The following RNASEH2A variants were observed in gnomAD, a reference collection of about 807,000 sequenced individuals.
RNASEH2A encodes RNase H(35).
In RNASEH2A, 30 loss-of-function variants were observed where a neutral mutation model predicts 32.7. The ratio of observed to expected loss-of-function variants is 0.92; its 90% CI spans 0.69 to 1.25. The LOEUF is 1.25. RNASEH2A is among the 50% of genes most tolerant of loss of function. The pLI, the probability that RNASEH2A is intolerant of heterozygous loss-of-function variation, is 0.00. For missense variants in RNASEH2A, 409 were observed against 398.1 expected (o/e 1.03, Z -0.23); for synonymous variants, 147 against 165.4 (o/e 0.89, Z 0.86).
At chr19:12,810,259 GCCA>G in intron 5 of RNASEH2A, 51 bp downstream of exon 5, 1 of 1,614,132 alleles carries the variant, frequency 6.2e-7, no homozygotes. Flanking sequence ...CTATATAGGG[GCCA>G]GGCATGGCCA....
intron 5 of RNASEH2A, 31 bp from the exon 6 acceptor site, chr19:12,810,286 G>C: frequency 6.2e-7 from 1 of 1,614,134 alleles, no homozygotes; most frequent in Non-Finnish European, 8.5e-7. Flanking sequence ...AAGGGAAGGA[G>C]GGAGATTCCA....
intron 4 of RNASEH2A, chr19:12,808,108 C>T (rs542269437): frequency 2.5e-5 from 4 of 161,004 alleles, no homozygotes; most frequent in South Asian, 3.3e-4. Context: ...AAAAATTAGC[C>T]CAGCATGGTG....
chr19:12,806,635 GTA>G lies in RNASEH2A; in HGVS notation c.-37_-36del. On this transcript the variant is annotated 5_prime_UTR_variant, in exon 1 of 8. Transcript: ENST00000221486. ...ACGCGCGCCGAGACCCGCTCCTGCA[GTA>G]TTAGTTCTTGCAGCTGGTGGTGGCG... 1 of 1,564,050 alleles carries G rather than the reference GTA, an allele frequency of 6.4e-7. No individual in the cohort carries two copies.
At position 12,810,423 on chromosome 19, in the gene RNASEH2A, A is replaced by C. The variant is rs375522285; in HGVS notation, c.637+19A>C. 7 of 1,603,464 alleles carry C rather than the reference A, an allele frequency of 4.4e-6. No individual in the cohort carries two copies. The highest frequency in any genetic ancestry group is 6.0e-6 in the Non-Finnish European group (7 of 1,170,454). ...CCCAATGGTGAGCAGACACGTGACC[A>C]TGGTACTAATGTTGAAATGGCCAGG... On this transcript the variant is annotated intron_variant, in intron 6 of 7. Transcript: ENST00000221486.
chr19:12,810,113 C>T lies in RNASEH2A; in HGVS notation c.454C>T (p.Arg152Trp), dbSNP rs942243073. The T allele has an allele frequency of 1.5e-5, 24 of 1,614,060 alleles. No homozygotes were observed. The highest frequency in any genetic ancestry group is 4.5e-5 in the East Asian group (2 of 44,892). The stretch of plus-strand genomic sequence containing the variant: ...AGGGATGCCAGAGACATACCAGGCG[C>T]GGCTGCAGCAAAGTTTTCCCGGGAT... ...TVGMPETYQARLQQSFPGIEV... is the reference protein window; with the variant it reads ...TVGMPETYQAWLQQSFPGIEV... Residue 152 changes from arginine to tryptophan, a missense_variant, in exon 5 of 8, where the codon CGG becomes TGG. Physicochemically the swap from Arg to Trp is moderately radical, Grantham distance 101. Coordinates refer to ENST00000221486, the MANE Select transcript of RNASEH2A (RefSeq NM_006397.3).
At chr19:12,808,003 C>A (rs151089300) in intron 4 of RNASEH2A, 563 of 201,984 alleles carry the variant, frequency 2.8e-3, no homozygotes, top group Non-Finnish European at 4.2e-3. Flanking sequence ...GTAATCCCAG[C>A]GTTTCAGGAG....
At position 12,807,523 on chromosome 19, in the gene RNASEH2A, T is replaced by A. The variant is rs185730742; in HGVS notation, c.411+17T>A. ...GTCACCCAGGTGAGTTAACTGTAAG[T>A]TGTCCCCATTTGGTCATCTCAGGAT... On this transcript the variant is annotated intron_variant, in intron 4 of 7. Transcript: ENST00000221486. 334 of 1,601,164 alleles carry A rather than the reference T, an allele frequency of 2.1e-4. 1 individual carries two copies. Among genetic ancestry groups the A allele is most frequent in the Non-Finnish European group, 6.2e-5 (73 of 1,168,294 alleles).
In RNASEH2A at chr19:12,807,702, C is replaced by T. The variant is rs568991790; in HGVS notation, c.411+196C>T. On this transcript the variant is annotated intron_variant, in intron 4 of 7. Transcript: ENST00000221486. ...ATCGCAGCACTTTGGGAAGCCGCGG[C>T]GGGTAGATCACCGGAGGTCAAGAGT... The T allele has an allele frequency of 2.2e-4, 137 of 617,830 alleles. 2 individuals carry two copies. The highest frequency in any genetic ancestry group is 1.1e-3 in the South Asian group (61 of 56,576). The allele number at this position is 617,830 out of a possible 1,614,324, so 38.3% of individuals were successfully genotyped here. A position where few individuals can be genotyped will look rare whatever the true frequency, so the allele number is the denominator to read the frequency against.
chr19:12,806,835 G>A (rs1479387928), intron 1 of RNASEH2A, 35 bp downstream of exon 1: 3 of 1,591,074 alleles, frequency 1.9e-6, no homozygotes, highest in Non-Finnish European at 2.6e-6. Context: ...GAGGGGCGTG[G>A]TACGGAGGAT....
intron 6 of RNASEH2A, among the ~76,000 whole-genome samples, chr19:12,812,531 C>A (rs1384918067): frequency 2.0e-5 from 3 of 151,912 alleles, no homozygotes; most frequent in Non-Finnish European, 4.4e-5. Flanking sequence ...GACTCCATTT[C>A]AAAAAATAAG....
chr19:12,813,602 C>A lies in RNASEH2A; in HGVS notation c.*136C>A. 1 of 983,954 alleles carries A rather than the reference C, an allele frequency of 1.0e-6. No homozygotes were observed. Among genetic ancestry groups the A allele is most frequent in the South Asian group, 1.3e-5 (1 of 75,768 alleles). The allele number at this position is 983,954 out of a possible 1,614,324, so 61.0% of individuals were successfully genotyped here. The stretch of plus-strand genomic sequence containing the variant: ...CTCTGCAGCCGGGTCCAGCTACTTC[C>A]TTTTGGAACCTTAAATAGAATGGGT... On this transcript the variant is annotated 3_prime_UTR_variant, in exon 8 of 8. Transcript: ENST00000221486.
At position 12,806,771 on chromosome 19, in the gene RNASEH2A, T is replaced by A; in HGVS notation, c.98T>A (p.Val33Asp). Residue 33 changes from valine to aspartate, a missense_variant, in exon 1 of 8, where the codon GTC (valine) becomes GAC (aspartate). By Grantham distance (152) the Val-to-Asp change is radical. Coordinates refer to ENST00000221486, the MANE Select transcript of RNASEH2A (RefSeq NM_006397.3). Reference protein sequence around the residue: ...VCRKEPCVLGVDEAGRGPVLG... With the variant: ...VCRKEPCVLGDDEAGRGPVLG... The stretch of plus-strand genomic sequence containing the variant: ...CGCAAGGAGCCTTGCGTCCTGGGCG[T>A]CGATGAGGCGGGCAGGGGCCCCGTG... 1 of 1,577,370 alleles carries A rather than the reference T, an allele frequency of 6.3e-7. No homozygotes were observed. Among genetic ancestry groups the A allele is most frequent in the South Asian group, 1.2e-5 (1 of 86,378 alleles).
At chr19:12,808,338 C>T (rs146164014) in intron 4 of RNASEH2A, among the ~76,000 whole-genome samples, 154 of 152,298 alleles carry the variant, frequency 1.0e-3, no homozygotes, top group Non-Finnish European at 1.9e-3. Context: ...CGGGCATATT[C>T]ATTGCTACTG....
intron 6 of RNASEH2A, among the ~76,000 whole-genome samples, chr19:12,810,904 C>T (rs1969062569): frequency 6.6e-6 from 1 of 152,092 alleles, no homozygotes; most frequent in South Asian, 2.1e-4. Flanking sequence ...GTCAAGCAGT[C>T]CTCCCACCTT....
chr19:12,806,621 G>C lies in RNASEH2A; in HGVS notation c.-53G>C. On this transcript the variant is annotated 5_prime_UTR_variant, in exon 1 of 8. Coordinates refer to ENST00000221486, the MANE Select transcript of RNASEH2A (RefSeq NM_006397.3). ...GAGGCCCGCGGAAAACGCGCGCCGA[G>C]ACCCGCTCCTGCAGTATTAGTTCTT... 1.3e-6 allele frequency: 2 copies of C among 1,555,486 alleles called. No homozygotes were observed. Among genetic ancestry groups the C allele is most frequent in the Non-Finnish European group, 1.7e-6 (2 of 1,149,322 alleles).
intron 6 of RNASEH2A, among the ~76,000 whole-genome samples, chr19:12,811,482 C>T (rs957561959): frequency 6.6e-6 from 1 of 151,872 alleles, no homozygotes; most frequent in African/African-American, 2.4e-5. Flanking sequence ...TATAGTGGTG[C>T]CCACCTGTAG....
rs755133697 is a variant in RNASEH2A at position 12,807,008 on chromosome 19, G to C, written c.128G>C (p.Gly43Ala). The change falls in exon 2 of 8, where the codon GGC becomes GCC. Residue 43 changes from glycine to alanine, a missense_variant and splice_region_variant. By Grantham distance (60) the Gly-to-Ala change is moderately conservative. Transcript: ENST00000221486. ...VDEAGRGPVL[G>A]PMVYAICYCP... is the part of the protein sequence containing the mutation. Reference sequence around the variant, plus strand: ...GAAAACTGACACCCCTTCTCCCCAGGCCCCATGGTCTACGCCATCTGTTAT... The same window carrying C: ...GAAAACTGACACCCCTTCTCCCCAGCCCCCATGGTCTACGCCATCTGTTAT... 5.0e-6 allele frequency: 8 copies of C among 1,613,636 alleles called. No individual in the cohort carries two copies. The African/African-American group carries it at 9.3e-5, about 19-fold the overall frequency.
intron 6 of RNASEH2A, among the ~76,000 whole-genome samples, chr19:12,811,302 A>T (rs531978442): frequency 6.6e-6 from 1 of 152,040 alleles, no homozygotes; most frequent in Non-Finnish European, 1.5e-5. Context: ...CAAGGTGGGC[A>T]TTTGTCCCTT....
rs373169862 is a variant in RNASEH2A, at chr19:12,813,387, A to G, written c.821A>G (p.Asn274Ser). 115 of 1,614,152 alleles carry G rather than the reference A, an allele frequency of 7.1e-5. No homozygotes were observed. The Admixed American group carries it at 1.4e-3, about 19-fold the overall frequency. Reference protein sequence around the residue: ...GLRKITSYFLNEGSQARPRSS... With the variant: ...GLRKITSYFLSEGSQARPRSS... ...AGGAAGATCACATCCTACTTCCTCAATGAAGGGTCCCAAGCCCGTCCCCGT... is the reference window on the plus strand; with the variant it reads ...AGGAAGATCACATCCTACTTCCTCAGTGAAGGGTCCCAAGCCCGTCCCCGT... The change falls in exon 8 of 8, where the codon AAT becomes AGT. Residue 274 changes from asparagine (N) to serine (S), a missense_variant. Coordinates refer to ENST00000221486, the MANE Select transcript of RNASEH2A (RefSeq NM_006397.3).
Sources: allele counts gnomAD v4.1 joint callset (sites outside exome capture counted in the v4.1 genomes callset), GRCh38; gene constraint gnomAD v4.1.1; transcripts MANE v1.5; gene names NCBI Gene and HGNC (gene_info 2026-07-23, HGNC 2026-07-21).